The following HTRA4 variants were observed in gnomAD, a reference collection of about 807,000 sequenced individuals.
The protein encoded by HTRA4 is HtrA serine peptidase 4, also known as serine protease HTRA4.
HTRA4 carries 46 observed loss-of-function variants against 49.1 expected under a neutral mutation model. The ratio of observed to expected loss-of-function variants is 0.94; its 90% confidence interval spans 0.74 to 1.20. The LOEUF (loss-of-function observed/expected upper bound fraction) is 1.20. HTRA4 is among the 50% of genes most tolerant of loss of function. The pLI is 0.00. For synonymous variants in HTRA4, 261 were observed against 264.0 expected, an observed-to-expected ratio of 0.99 and a Z score of 0.11; for missense variants, 602 against 636.9, an observed-to-expected ratio of 0.95 and a Z score of 0.59.
intron 8 of HTRA4, among the ~76,000 whole-genome samples, chr8:38,987,455 T>G (rs1045744397): frequency 1.0e-5 from 1 of 98,474 alleles, no homozygotes; most frequent in Admixed American, 1.7e-4. Flanking sequence ...CCTTCCCAGC[T>G]CCATAAGCTG....
intron 8 of HTRA4, among the ~76,000 whole-genome samples, chr8:38,985,007 G>A (rs753742955): frequency 2.0e-5 from 3 of 152,134 alleles, no homozygotes; most frequent in South Asian, 2.1e-4. Context: ...AGAGGCCAGC[G>A]CTAAGACCTG....
chr8:38,979,984 G>A (rs1398077430), intron 5 of HTRA4, among the ~76,000 whole-genome samples: 1 of 152,022 alleles, frequency 6.6e-6, no homozygotes, highest in African/African-American at 2.4e-5. Context: ...CTCTTGACCT[G>A]CTTATAGATG....
chr8:38,977,070 G>A (rs946856871), intron 3 of HTRA4, among the ~76,000 whole-genome samples: 3 of 151,942 alleles, frequency 2.0e-5, no homozygotes, highest in Non-Finnish European at 4.4e-5. Context: ...TGAGTACCTG[G>A]GATTACAGGT....
At position 38,988,248 on chromosome 8, in the gene HTRA4, A is replaced by G. The variant is rs1483300916; in HGVS notation, c.*150A>G. 12 of 657,354 alleles carry G rather than the reference A, an allele frequency of 1.8e-5. No homozygotes were observed. Among genetic ancestry groups the G allele is most frequent in the Middle Eastern group, 4.2e-4 (1 of 2,378 alleles). The allele number at this position is 657,354 out of a possible 1,614,324, so 40.7% of individuals were successfully genotyped here. On this transcript the variant is annotated 3_prime_UTR_variant, in exon 9 of 9. Transcript: ENST00000302495. ...TGGTTATCAACCCAAATGCCCATCA[A>G]TGACAGACTGGATAAAGCAAATGTG...
At chr8:38,976,771 A>G (rs773240104) in intron 3 of HTRA4, 32 bp downstream of exon 3, 46 of 1,605,972 alleles carry the variant, frequency 2.9e-5, no homozygotes, top group Admixed American at 1.2e-4. Flanking sequence ...CAGAGTCTAC[A>G]TATTTGGGGA....
At chr8:38,981,076 T>TTTTTG (rs1835414820) in intron 5 of HTRA4, among the ~76,000 whole-genome samples, 1 of 104,266 alleles carries the variant, frequency 9.6e-6, no homozygotes, top group Non-Finnish European at 1.8e-5. Flanking sequence ...TTTTTTTTTT[T>TTTTTG]TTTTTTTTTT....
chr8:38,986,438 A>G (rs1285861208), intron 8 of HTRA4, among the ~76,000 whole-genome samples: 2 of 152,052 alleles, frequency 1.3e-5, no homozygotes, highest in Non-Finnish European at 2.9e-5. Context: ...CTAGCTAATT[A>G]TTGTACTTTT....
At chr8:38,987,773 T>C (rs893307313) in intron 8 of HTRA4, among the ~76,000 whole-genome samples, 163 bp from the exon 9 acceptor site, 7 of 152,220 alleles carry the variant, frequency 4.6e-5, no homozygotes, top group Non-Finnish European at 1.0e-4. Flanking sequence ...GCAGCATATT[T>C]TAGAATAGCT....
chr8:38,974,907 C>T, intron 1 of HTRA4, 124 bp from the exon 2 acceptor site: 1 of 1,260,798 alleles, frequency 7.9e-7, no homozygotes, highest in Non-Finnish European at 1.1e-6. Context: ...TCTTTACCGG[C>T]TGCTACGTGG....
At position 38,988,207 on chromosome 8, in the gene HTRA4, T is replaced by TA; in HGVS notation, c.*110dup. 2.0e-6 allele frequency: 2 copies of TA among 1,013,084 alleles called. No individual in the cohort carries two copies. Among genetic ancestry groups the TA allele is most frequent in the Non-Finnish European group, 2.8e-6 (2 of 720,090 alleles). The allele number at this position is 1,013,084 out of a possible 1,614,324, so 62.8% of individuals were successfully genotyped here. Reference sequence around the variant, plus strand: ...GCAAGAAGTTTTTGGATCTTTTTCTTACAAAGAAAAATGGATGGTTATCAA... The same window carrying TA: ...GCAAGAAGTTTTTGGATCTTTTTCTTAACAAAGAAAAATGGATGGTTATCAA... On this transcript the variant is annotated 3_prime_UTR_variant, in exon 9 of 9. Transcript: ENST00000302495.
chr8:38,985,874 T>C (rs4733894), intron 8 of HTRA4, among the ~76,000 whole-genome samples: 47,033 of 152,104 alleles, frequency 0.31, 7,561 homozygotes, highest in Non-Finnish European at 0.37. Context: ...TGTTAAAATG[T>C]GAAAATTAGT....
At chr8:38,982,099 C>T (rs915077703) in intron 6 of HTRA4, among the ~76,000 whole-genome samples, 2 of 152,116 alleles carry the variant, frequency 1.3e-5, no homozygotes, top group Non-Finnish European at 2.9e-5. Context: ...CCGCTTGCCT[C>T]GGCCTCCCAA....
At chr8:38,979,127 G>T in intron 4 of HTRA4, 88 bp from the exon 5 acceptor site, 1 of 1,259,954 alleles carries the variant, frequency 7.9e-7, no homozygotes, top group South Asian at 1.2e-5. Flanking sequence ...GGCTGCTTTT[G>T]GTAAACTGTT....
chr8:38,985,088 C>T (rs962777976), intron 8 of HTRA4, among the ~76,000 whole-genome samples: 1 of 151,746 alleles, frequency 6.6e-6, no homozygotes, highest in Non-Finnish European at 1.5e-5. Flanking sequence ...TGTTTCAAAA[C>T]ATTTAATACT....
chr8:38,985,161 C>CTTTTTTTT (rs773305917), intron 8 of HTRA4, among the ~76,000 whole-genome samples: 1 of 130,706 alleles, frequency 7.7e-6, no homozygotes, highest in Non-Finnish European at 1.6e-5. Flanking sequence ...TGTTGTACTT[C>CTTTTTTTT]TTTTTTTTTT....
At chr8:38,980,137 G>A (rs1375030366) in intron 5 of HTRA4, among the ~76,000 whole-genome samples, 5 of 152,186 alleles carry the variant, frequency 3.3e-5, no homozygotes, top group Non-Finnish European at 7.3e-5. Flanking sequence ...CCAAATACAT[G>A]TGAAAACCTA....
chr8:38,975,711 T>G (rs1048920296), intron 2 of HTRA4, among the ~76,000 whole-genome samples: 2 of 152,182 alleles, frequency 1.3e-5, no homozygotes, highest in Non-Finnish European at 2.9e-5. Context: ...TCCAGCTTAG[T>G]AGGCATTTTG....
chr8:38,976,495 T>C, intron 2 of HTRA4, 40 bp from the exon 3 acceptor site: 4 of 1,598,022 alleles, frequency 2.5e-6, no homozygotes, highest in Non-Finnish European at 3.4e-6. Flanking sequence ...ATCCCCTAAC[T>C]TTCTTGCCCT....
chr8:38,975,536 G>T (rs924381640), intron 2 of HTRA4, among the ~76,000 whole-genome samples: 2 of 152,220 alleles, frequency 1.3e-5, no homozygotes, highest in African/African-American at 4.8e-5. Flanking sequence ...AGCCTCTGGA[G>T]TAACTGGGAC....
Sources: allele counts gnomAD v4.1 joint callset (sites outside exome capture counted in the v4.1 genomes callset), GRCh38; gene constraint gnomAD v4.1.1; transcripts MANE v1.5; gene names NCBI Gene and HGNC (gene_info 2026-07-23, HGNC 2026-07-21).